PCDHGA2: variants seen among roughly 807,000 people sequenced by gnomAD.
PCDHGA2 encodes protocadherin gamma-A2.
PCDHGA2 carries 40 observed loss-of-function variants against 59.2 expected under a neutral mutation model. The observed-to-expected ratio is 0.68, with a 90% CI of 0.52 to 0.88. The LOEUF (loss-of-function observed/expected upper bound fraction) is 0.88. Ranked by LOEUF, PCDHGA2 falls within the 40% of genes least tolerant of loss-of-function variation. The probability of loss-of-function intolerance (pLI) is 0.00; values close to 1 mark genes in which losing one functional copy is unlikely to be tolerated. For synonymous variants in PCDHGA2, 560 were observed against 526.0 expected (o/e 1.06, Z -0.89); for missense variants, 1,226 against 1,204.0 (o/e 1.02, Z -0.27).
At chr5:141,478,804 G>C (rs765938054) in intron 1 of PCDHGA2, 48 of 1,462,396 alleles carry the variant, frequency 3.3e-5, no homozygotes, top group Non-Finnish European at 4.1e-5. Context: ...GCACTCTTTT[G>C]CTATCACAAC....
chr5:141,383,043 C>T, intron 1 of PCDHGA2: 1 of 1,613,860 alleles, frequency 6.2e-7, no homozygotes, highest in Non-Finnish European at 8.5e-7. Flanking sequence ...TGGGAGACAT[C>T]GCCAAGGACC....
At chr5:141,401,129 G>A (rs1327832164) in intron 1 of PCDHGA2, among the ~76,000 whole-genome samples, 3 of 152,168 alleles carry the variant, frequency 2.0e-5, no homozygotes, top group African/African-American at 7.2e-5. Context: ...GGATCACATG[G>A]TCAGGAGTTC....
At chr5:141,438,282 T>C (rs915347472) in intron 1 of PCDHGA2, among the ~76,000 whole-genome samples, 1 of 151,630 alleles carries the variant, frequency 6.6e-6, no homozygotes, top group African/African-American at 2.4e-5. Context: ...CAAAATAATT[T>C]AATCTGTATG....
rs2099623095 is a variant in PCDHGA2 at position 141,486,025 on chromosome 5, T to C, written c.2425-8782T>C. 1 of 1,613,958 alleles carries C rather than the reference T, an allele frequency of 6.2e-7. No individual in the cohort carries two copies. The highest frequency in any genetic ancestry group is 8.5e-7 in the Non-Finnish European group (1 of 1,179,932). The stretch of plus-strand genomic sequence containing the variant: ...ACGTCACCTTTTATTTCAGTGGTCA[T>C]ACCCCTGATCGTGTAAGAAACCTCT... On this transcript the variant is annotated intron_variant, in intron 1 of 3. Transcript: ENST00000394576. The surrounding 1 kb of genome is among the most constrained non-coding windows in gnomAD (Gnocchi z 5.0).
intron 2 of PCDHGA2, among the ~76,000 whole-genome samples, chr5:141,497,980 G>A (rs983045402): frequency 2.0e-5 from 3 of 152,168 alleles, no homozygotes; most frequent in African/African-American, 7.2e-5. Context: ...GATGTGGGAG[G>A]CCCCTGCCCT....
At chr5:141,347,151 C>CTTTCTTTCTTTCTTTT (rs1280751776) in intron 1 of PCDHGA2, among the ~76,000 whole-genome samples, 35 of 131,272 alleles carry the variant, frequency 2.7e-4, no homozygotes, top group Admixed American at 2.4e-3. Flanking sequence ...TTCTTTCTTT[C>CTTTCTTTCTTTCTTTT]TTTCTTTCTT....
chr5:141,429,858 A>T (rs1183727412), intron 1 of PCDHGA2, among the ~76,000 whole-genome samples: 1 of 152,192 alleles, frequency 6.6e-6, no homozygotes, highest in East Asian at 1.9e-4. Context: ...CATTCTTTGG[A>T]CTACCAATTT....
intron 1 of PCDHGA2, chr5:141,394,449 A>G (rs773696678): frequency 2.5e-6 from 4 of 1,614,112 alleles, no homozygotes; most frequent in Admixed American, 1.7e-5. Context: ...CAGCAGCAAC[A>G]TGTCACTGAG....
Position 141,422,925 on chromosome 5 carries a change from T to G in PCDHGA2, c.2425-71882T>G, listed in dbSNP as rs568894245. On this transcript the variant is annotated intron_variant, in intron 1 of 3. Transcript: ENST00000394576. ...ACAATGCGCCCGAGATCCTGTACCC[T>G]GCCCTCCCCACAGACGGCTCCACTG... 1.9e-6 allele frequency: 3 copies of G among 1,614,202 alleles called. No individual in the cohort carries two copies. The Admixed American group carries it at 5.0e-5, about 27-fold the overall frequency.
intron 1 of PCDHGA2, chr5:141,392,918 G>T (rs1177755274): frequency 1.2e-6 from 2 of 1,613,794 alleles, no homozygotes; most frequent in African/African-American, 2.7e-5. Flanking sequence ...GCTACTCTGT[G>T]CCAGAAGAGA....
chr5:141,456,140 G>A (rs1032104368), intron 1 of PCDHGA2, among the ~76,000 whole-genome samples: 38 of 152,022 alleles, frequency 2.5e-4, no homozygotes, highest in African/African-American at 8.7e-4. Flanking sequence ...CTCCTGATCC[G>A]CCCGCCTCGG....
At chr5:141,356,015 G>A in intron 1 of PCDHGA2, 1 of 1,613,926 alleles carries the variant, frequency 6.2e-7, no homozygotes, top group Non-Finnish European at 8.5e-7. Flanking sequence ...CCAGATGAAG[G>A]AGCCAATGGA....
chr5:141,461,230 G>T (rs945407206), intron 1 of PCDHGA2, among the ~76,000 whole-genome samples: 2 of 152,024 alleles, frequency 1.3e-5, no homozygotes, highest in African/African-American at 4.8e-5. Flanking sequence ...TTCCATAGAG[G>T]TTGTACTAAT....
In PCDHGA2 at chr5:141,486,036, G is replaced by A. The variant is rs773301300; in HGVS notation, c.2425-8771G>A. ...TATTTCAGTGGTCATACCCCTGATC[G>A]TGTAAGAAACCTCTTTAGCCTGCAC... On this transcript the variant is annotated intron_variant, in intron 1 of 3. Transcript: ENST00000394576. This position sits in a 1 kb window ranked among gnomAD's most constrained non-coding sequence, Gnocchi z 5.0. 2.5e-6 allele frequency: 4 copies of A among 1,614,048 alleles called. No individual in the cohort carries two copies. Among genetic ancestry groups the A allele is most frequent in the Admixed American group, 1.7e-5 (1 of 60,004 alleles).
At chr5:141,409,050 G>C (rs371257178) in intron 1 of PCDHGA2, 1 of 1,613,988 alleles carries the variant, frequency 6.2e-7, no homozygotes. Context: ...TACTTCCGAA[G>C]CACTGCCCAG....
Position 141,339,501 on chromosome 5 carries a change from A to C in PCDHGA2, c.530A>C (p.His177Pro). 6.2e-7 allele frequency: 1 copy of C among 1,614,018 alleles called. No homozygotes were observed. Among genetic ancestry groups the C allele is most frequent in the Non-Finnish European group, 8.5e-7 (1 of 1,180,010 alleles). Reference sequence around the variant, plus strand: ...AAGTACGCACTCAACCCAAATGACCACTTCTCCCTGGACGTGCGAAGGGGA... The same window carrying C: ...AAGTACGCACTCAACCCAAATGACCCCTTCTCCCTGGACGTGCGAAGGGGA... Reference protein sequence around the residue: ...LQKYALNPNDHFSLDVRRGAD... With the variant: ...LQKYALNPNDPFSLDVRRGAD... Residue 177 changes from histidine to proline, a missense_variant, in exon 1 of 4, where the codon CAC becomes CCC. His to Pro is a moderately conservative substitution (Grantham distance 77). Coordinates refer to ENST00000394576, the MANE Select transcript of PCDHGA2 (RefSeq NM_018915.4).
rs1348847945 is a variant in PCDHGA2, at chr5:141,493,426, C to G, written c.2425-1381C>G. ...TGCCTCTGCTGGGATTTTGCTTCTG[C>G]TGGGATGGGGCAAGGGTGGGGTTCC... On this transcript the variant is annotated intron_variant, in intron 1 of 3. Transcript: ENST00000394576. The surrounding 1 kb of genome is among the most constrained non-coding windows in gnomAD (Gnocchi z 4.3). Among the ~76,000 whole-genome samples, 2 of 152,144 alleles carry G rather than the reference C, an allele frequency of 1.3e-5. No homozygotes were observed. The highest frequency in any genetic ancestry group is 4.8e-5 in the African/African-American group (2 of 41,424).
chr5:141,395,420 T>A, intron 1 of PCDHGA2: 1 of 771,734 alleles, frequency 1.3e-6, no homozygotes, highest in Non-Finnish European at 2.0e-6. Flanking sequence ...ATTGTTTCAT[T>A]TGCTTTTAAA....
intron 1 of PCDHGA2, chr5:141,409,411 AC>A (rs1172458730): frequency 6.2e-7 from 1 of 1,614,004 alleles, no homozygotes; most frequent in African/African-American, 1.3e-5. Flanking sequence ...ACTACTACAA[AC>A]TGGTGACAGA....
Sources: allele counts gnomAD v4.1 joint callset (sites outside exome capture counted in the v4.1 genomes callset), GRCh38; gene constraint gnomAD v4.1.1; non-coding constraint Gnocchi (gnomAD v3.1); transcripts MANE v1.5; gene names NCBI Gene and HGNC (gene_info 2026-07-23, HGNC 2026-07-21).